The following ZNF541 variants were observed in gnomAD, a reference collection of about 807,000 sequenced individuals.
ZNF541 encodes zinc finger protein 541.
ZNF541 carries 23 observed loss-of-function variants against 123.5 expected under a neutral mutation model. That is an observed-to-expected ratio of 0.19 (90% confidence interval 0.13 to 0.26). ZNF541 has a LOEUF of 0.26. Ranked by LOEUF, ZNF541 falls within the 10% of genes least tolerant of loss-of-function variation. The pLI, the probability that ZNF541 is intolerant of heterozygous loss-of-function variation, is 1.00. For missense variants in ZNF541, 1,612 were observed against 1,789.9 expected (o/e 0.90, Z 1.79); for synonymous variants, 751 against 754.5 (o/e 1.00, Z 0.08).
In ZNF541 at chr19:47,529,590, G is replaced by A. The variant is rs1178600946; in HGVS notation, c.3468C>T (p.Asp1156=). The A allele has an allele frequency of 6.4e-7, 1 of 1,551,612 alleles. No homozygotes were observed. Among genetic ancestry groups the A allele is most frequent in the African/African-American group, 1.4e-5 (1 of 73,058 alleles). Residue 1156 remains aspartate, a synonymous_variant, in exon 13 of 17, where the codon GAC becomes GAT. Coordinates refer to ENST00000391901, the MANE Select transcript of ZNF541 (RefSeq NM_001277075.3). ...TTTCCCCGTCACCTGTGTAGCGATA[G>A]TCAGCGAGCAGGTGTGTCCGTGGCT... ...PHKPRTHLLA[D]YRYTGSDVWT... is the part of the protein sequence containing the mutation.
At chr19:47,570,253 G>A (rs531794944) in intron 2 of ZNF541, among the ~76,000 whole-genome samples, 12 of 150,056 alleles carry the variant, frequency 8.0e-5, no homozygotes, top group African/African-American at 2.2e-4. Context: ...CAGCCTGGGC[G>A]ACAGAGCGAG....
In ZNF541 at chr19:47,521,387, C is replaced by A; in HGVS notation, c.3888-10G>T. On this transcript the variant is annotated splice_polypyrimidine_tract_variant and intron_variant, in intron 16 of 16. Transcript: ENST00000391901. This position sits in a 1 kb window ranked among gnomAD's most constrained non-coding sequence, Gnocchi z 4.2. ...GATCTTGTCAAACACCCTGAGGAGT[C>A]ACCAGAGGACATGGGGTCAGAGCAG... 4 of 1,551,688 alleles carry A rather than the reference C, an allele frequency of 2.6e-6. No homozygotes were observed. The highest frequency in any genetic ancestry group is 1.2e-5 in the South Asian group (1 of 84,058).
intron 14 of ZNF541, among the ~76,000 whole-genome samples, chr19:47,523,594 C>T (rs1418067795): frequency 1.3e-5 from 2 of 152,136 alleles, no homozygotes; most frequent in Non-Finnish European, 1.5e-5. Flanking sequence ...ACCCTCTCGT[C>T]CAAAACAATG....
At chr19:47,525,547 C>T (rs1469196219) in intron 14 of ZNF541, among the ~76,000 whole-genome samples, 2 of 152,108 alleles carry the variant, frequency 1.3e-5, no homozygotes, top group Non-Finnish European at 2.9e-5. Context: ...AACTTTAACT[C>T]ATACTTTACA....
At chr19:47,557,150 A>T (rs1970857274) in intron 2 of ZNF541, among the ~76,000 whole-genome samples, 1 of 152,128 alleles carries the variant, frequency 6.6e-6, no homozygotes. Context: ...GCTCCTAGGA[A>T]ATTTAGATTA....
intron 6 of ZNF541, 42 bp downstream of exon 6, chr19:47,540,851 T>C: frequency 1.3e-6 from 2 of 1,546,778 alleles, no homozygotes; most frequent in Non-Finnish European, 1.7e-6. Context: ...GCCAGAGGAC[T>C]CCTGCCAGGG....
rs576775550 is a variant in ZNF541, at chr19:47,537,923, G to C, written c.3094+219C>G. Among the ~76,000 whole-genome samples, 46 of 152,214 alleles carry C rather than the reference G, an allele frequency of 3.0e-4. 1 individual carries two copies. The highest frequency in any genetic ancestry group is 1.9e-3 in the Admixed American group (29 of 15,264). On this transcript the variant is annotated intron_variant, in intron 9 of 16. Coordinates refer to ENST00000391901, the MANE Select transcript of ZNF541 (RefSeq NM_001277075.3). ...AGAAGGGCAGGCAGAAGCATGGTCA[G>C]GCTAAATGGCCTCTACGTTTTCTTT...
Position 47,549,364 on chromosome 19 carries a change from G to T in ZNF541, c.429C>A (p.Ser143Arg). The change falls in exon 4 of 17, where the codon AGC becomes AGA. Residue 143 changes from serine (S) to arginine (R), a missense_variant. By Grantham distance (110) the Ser-to-Arg change is moderately radical (BLOSUM62 -1). Around this residue, in one of 5 missense-constraint regions of ZNF541, gnomAD observed 212 missense variants for 289.6 expected, o/e 0.73. Transcript: ENST00000391901. ...SSPQNPLLDC[S>R]LCGKVFSSAS... Reference sequence around the variant, plus strand: ...CGCTGCTGAACACCTTCCCGCACAGGCTGCAGTCCAGAAGTGGGTTTTGAG... The same window carrying T: ...CGCTGCTGAACACCTTCCCGCACAGTCTGCAGTCCAGAAGTGGGTTTTGAG... 6.4e-7 allele frequency: 1 copy of T among 1,551,724 alleles called. No individual in the cohort carries two copies. Among genetic ancestry groups the T allele is most frequent in the Non-Finnish European group, 8.7e-7 (1 of 1,147,028 alleles).
Position 47,544,228 on chromosome 19 carries a change from G to A in ZNF541, c.2301C>T (p.Cys767=). 4 of 1,551,650 alleles carry A rather than the reference G, an allele frequency of 2.6e-6. No homozygotes were observed. Among genetic ancestry groups the A allele is most frequent in the Non-Finnish European group, 3.5e-6 (4 of 1,147,004 alleles). The change falls in exon 5 of 17, where the codon TGC becomes TGT. Residue 767 remains cysteine (C), a synonymous_variant. Coordinates refer to ENST00000391901, the MANE Select transcript of ZNF541 (RefSeq NM_001277075.3). ...FRKEKAKMDM[C]CAASPSQVAM... is the part of the protein sequence containing the mutation. ...CTACCTGGCTCGGAGAAGCCGCACAGCACATATCCATCTTCGCCTTCTCTT... is the reference window on the plus strand; with the variant it reads ...CTACCTGGCTCGGAGAAGCCGCACAACACATATCCATCTTCGCCTTCTCTT...
chr19:47,527,990 C>T (rs998776117), intron 14 of ZNF541, among the ~76,000 whole-genome samples: 2 of 147,336 alleles, frequency 1.4e-5, no homozygotes, highest in African/African-American at 2.5e-5. Context: ...TAAACCACCA[C>T]GCCAGGCCCT....
chr19:47,528,784 G>A (rs982446481), intron 14 of ZNF541, among the ~76,000 whole-genome samples, 166 bp downstream of exon 14: 4 of 152,112 alleles, frequency 2.6e-5, no homozygotes, highest in Non-Finnish European at 2.9e-5. Context: ...GTACCATCTG[G>A]AGCTGTTCAT....
intron 2 of ZNF541, among the ~76,000 whole-genome samples, chr19:47,565,718 T>C (rs538877264): frequency 1.7e-4 from 26 of 152,230 alleles, no homozygotes; most frequent in African/African-American, 6.0e-4. Flanking sequence ...TTTGGTTGCT[T>C]TGTTTATATT....
chr19:47,552,047 G>A (rs1251894779), intron 3 of ZNF541, among the ~76,000 whole-genome samples: 2 of 151,534 alleles, frequency 1.3e-5, no homozygotes, highest in South Asian at 2.1e-4. Flanking sequence ...TAGTAGAGAC[G>A]GGGTTTTGCC....
chr19:47,530,473 A>G (rs1395726049), intron 12 of ZNF541, among the ~76,000 whole-genome samples: 1 of 151,336 alleles, frequency 6.6e-6, no homozygotes, highest in African/African-American at 2.4e-5. Flanking sequence ...GGCGTGAGCC[A>G]TGCGCCTGGC....
intron 3 of ZNF541, among the ~76,000 whole-genome samples, chr19:47,554,725 A>G (rs1014218242): frequency 2.0e-5 from 3 of 152,210 alleles, no homozygotes; most frequent in African/African-American, 7.2e-5. Context: ...CACACACCAC[A>G]CAAAAGATAA....
intron 3 of ZNF541, 149 bp from the exon 4 acceptor site, chr19:47,549,634 G>A (rs1970513379): frequency 7.6e-7 from 1 of 1,308,206 alleles, no homozygotes; most frequent in Non-Finnish European, 1.0e-6. Context: ...CAAGGTTCAG[G>A]AGCAGGTGAG....
intron 9 of ZNF541, among the ~76,000 whole-genome samples, chr19:47,535,933 G>A (rs1969798429): frequency 6.6e-6 from 1 of 152,166 alleles, no homozygotes; most frequent in Admixed American, 6.5e-5. Context: ...AGAGCTAAGA[G>A]CCCTGAACAG....
chr19:47,567,540 G>A (rs546873323), intron 2 of ZNF541, among the ~76,000 whole-genome samples: 60 of 152,230 alleles, frequency 3.9e-4, no homozygotes, highest in Non-Finnish European at 5.6e-4. Flanking sequence ...GATTACAGGC[G>A]TGCGCCACCG....
intron 2 of ZNF541, among the ~76,000 whole-genome samples, chr19:47,561,363 A>G (rs1971055506): frequency 6.6e-6 from 1 of 152,042 alleles, no homozygotes. Context: ...GCTTGAGCCC[A>G]AGAATTGGAG....
Sources: allele counts gnomAD v4.1 joint callset (sites outside exome capture counted in the v4.1 genomes callset), GRCh38; gene constraint gnomAD v4.1.1; regional missense constraint gnomAD v4.1.1; non-coding constraint Gnocchi (gnomAD v3.1); transcripts MANE v1.5; gene names NCBI Gene and HGNC (gene_info 2026-07-23, HGNC 2026-07-21).